MS4A15: variants seen among roughly 807,000 people sequenced by gnomAD.
MS4A15 encodes membrane-spanning 4-domains subfamily A member 15.
A neutral mutation model predicts 20.6 loss-of-function variants in MS4A15; 22 were observed. The observed-to-expected ratio is 1.07, with a 90% confidence interval of 0.76 to 1.52. The LOEUF is 1.52. Ranked by LOEUF, MS4A15 falls within the 40% of genes most tolerant of loss-of-function variation. MS4A15 has a pLI of 0.00. For synonymous variants in MS4A15, 129 were observed against 129.3 expected, an observed-to-expected ratio of 1.00 and a Z score of 0.02; for missense variants, 312 against 323.0, an observed-to-expected ratio of 0.97 and a Z score of 0.26.
At chr11:60,766,618 A>G (rs1056696095) in intron 2 of MS4A15, among the ~76,000 whole-genome samples, 1 of 152,228 alleles carries the variant, frequency 6.6e-6, no homozygotes, top group African/African-American at 2.4e-5. Context: ...CTGTGAGGAC[A>G]CTGAAAAGAT....
At chr11:60,764,217 G>A (rs116873954) in intron 2 of MS4A15, among the ~76,000 whole-genome samples, 9,404 of 152,274 alleles carry the variant, frequency 0.062, 438 homozygotes, top group Non-Finnish European at 0.098. Flanking sequence ...GAATACTAGC[G>A]AGGGTAGGTG....
intron 2 of MS4A15, among the ~76,000 whole-genome samples, chr11:60,766,583 C>T (rs1462929265): frequency 1.3e-5 from 2 of 152,146 alleles, no homozygotes; most frequent in Non-Finnish European, 2.9e-5. Context: ...ACGCTGGCGA[C>T]TTGGACACCA....
At chr11:60,767,388 T>C (rs539458234) in intron 2 of MS4A15, 145 bp from the exon 3 acceptor site, 2 of 1,027,050 alleles carry the variant, frequency 1.9e-6, no homozygotes, top group East Asian at 3.0e-5. Context: ...TCTGTAATAA[T>C]ATCGCCTCTA....
intron 1 of MS4A15, among the ~76,000 whole-genome samples, chr11:60,759,977 G>A (rs560880631): frequency 7.2e-5 from 11 of 152,222 alleles, no homozygotes; most frequent in South Asian, 2.1e-4. Context: ...GCAGTTCCTC[G>A]CATGCTGAGT....
intron 3 of MS4A15, among the ~76,000 whole-genome samples, chr11:60,769,823 G>A (rs1853986759): frequency 1.3e-5 from 2 of 152,158 alleles, no homozygotes; most frequent in African/African-American, 4.8e-5. Flanking sequence ...TAGCCTGAGT[G>A]TGTCCGCTTC....
chr11:60,763,308 C>T (rs1413546238), intron 1 of MS4A15, among the ~76,000 whole-genome samples: 1 of 152,082 alleles, frequency 6.6e-6, no homozygotes, highest in Non-Finnish European at 1.5e-5. Flanking sequence ...GGCAGTGAGT[C>T]CTGGTCTCGG....
In MS4A15 at chr11:60,763,813, C is replaced by G. The variant is rs767204537; in HGVS notation, c.80C>G (p.Ala27Gly). The change falls in exon 2 of 7, where the codon GCC (alanine) becomes GGC (glycine). Residue 27 changes from alanine (A) to glycine (G), a missense_variant. By Grantham distance (60) the Ala-to-Gly change is moderately conservative. Transcript: ENST00000405633. The part of the protein sequence containing the change: ...NNASGLCPPP[A>G]ILPTSMCQPP... ...GCCAGTGGCCTCTGCCCACCTCCGGCCATTCTGCCCACATCCATGTGCCAA... is the reference window on the plus strand; with the variant it reads ...GCCAGTGGCCTCTGCCCACCTCCGGGCATTCTGCCCACATCCATGTGCCAA... 1 of 1,612,456 alleles carries G rather than the reference C, an allele frequency of 6.2e-7. No homozygotes were observed. Among genetic ancestry groups the G allele is most frequent in the Non-Finnish European group, 8.5e-7 (1 of 1,179,804 alleles).
chr11:60,769,790 G>A (rs969904771), intron 3 of MS4A15, among the ~76,000 whole-genome samples: 18 of 152,200 alleles, frequency 1.2e-4, no homozygotes, highest in African/African-American at 4.1e-4. Flanking sequence ...GCAGCAGGTC[G>A]CGCCGGATCA....
intron 1 of MS4A15, among the ~76,000 whole-genome samples, chr11:60,762,695 C>T (rs1470059495): frequency 6.6e-6 from 1 of 152,156 alleles, no homozygotes; most frequent in Non-Finnish European, 1.5e-5. Flanking sequence ...TAAAAGCTTA[C>T]CTCGCTTTAA....
chr11:60,763,437 GC>G (rs1853797793), intron 1 of MS4A15, among the ~76,000 whole-genome samples: 1 of 152,200 alleles, frequency 6.6e-6, no homozygotes, highest in African/African-American at 2.4e-5. Context: ...TCCAAAAGGA[GC>G]TTTCCACATA....
chr11:60,772,037 G>A (rs1487848007), intron 4 of MS4A15, among the ~76,000 whole-genome samples: 1 of 152,216 alleles, frequency 6.6e-6, no homozygotes, highest in Non-Finnish European at 1.5e-5. Context: ...CCAAGCATGA[G>A]AAGTGCTGAA....
At chr11:60,758,559 C>T (rs373794613) in intron 1 of MS4A15, among the ~76,000 whole-genome samples, 20 of 152,292 alleles carry the variant, frequency 1.3e-4, no homozygotes, top group African/African-American at 3.4e-4. Context: ...CAATAATGAC[C>T]GGAACCACAT....
chr11:60,768,093 T>G (rs528109017), intron 3 of MS4A15, among the ~76,000 whole-genome samples: 1 of 152,280 alleles, frequency 6.6e-6, no homozygotes, highest in East Asian at 1.9e-4. Context: ...CTTGGGAGGC[T>G]GAGGCAGGTG....
chr11:60,772,159 G>A (rs908843649), intron 4 of MS4A15, among the ~76,000 whole-genome samples: 1 of 152,204 alleles, frequency 6.6e-6, no homozygotes, highest in Non-Finnish European at 1.5e-5. Flanking sequence ...AACAACCACG[G>A]AAGAGCCCGG....
chr11:60,770,897 G>A (rs530258144), intron 3 of MS4A15, among the ~76,000 whole-genome samples: 135 of 151,982 alleles, frequency 8.9e-4, no homozygotes, highest in African/African-American at 3.2e-3. Flanking sequence ...GTAGAGACTG[G>A]AGTTTCACCA....
intron 4 of MS4A15, among the ~76,000 whole-genome samples, chr11:60,773,157 C>A (rs910807033): frequency 6.6e-6 from 1 of 152,124 alleles, no homozygotes; most frequent in African/African-American, 2.4e-5. Context: ...TAGCAGCTTC[C>A]AAGAAGACGA....
rs1853918831 is a variant in MS4A15 at position 60,767,661 on chromosome 11, T to A, written c.348+6T>A. The A allele has an allele frequency of 6.5e-7, 1 of 1,545,374 alleles. No individual in the cohort carries two copies. Among genetic ancestry groups the A allele is most frequent in the Non-Finnish European group, 8.7e-7 (1 of 1,144,438 alleles). On this transcript the variant is annotated splice_donor_region_variant and intron_variant, in intron 3 of 6. Transcript: ENST00000405633. ...CCTTCTGGGGAGGAGCCTGCGTGAG[T>A]GCCGGGGCCATGGAGAGGGAGGGTA...
chr11:60,771,360 A>C lies in MS4A15; in HGVS notation c.405+13A>C. 6.2e-7 allele frequency: 1 copy of C among 1,608,684 alleles called. No individual in the cohort carries two copies. Among genetic ancestry groups the C allele is most frequent in the Non-Finnish European group, 8.5e-7 (1 of 1,179,934 alleles). Reference sequence around the variant, plus strand: ...CACCAGTTGCCTGGTGAGTGTGAACAGGGGGACCCAGGGGCGGGGATGAAG... The same window carrying C: ...CACCAGTTGCCTGGTGAGTGTGAACCGGGGGACCCAGGGGCGGGGATGAAG... On this transcript the variant is annotated intron_variant, in intron 4 of 6. Coordinates refer to ENST00000405633, the MANE Select transcript of MS4A15 (RefSeq NM_001098835.2).
At chr11:60,767,498 G>T (rs1244073660) in intron 2 of MS4A15, 35 bp from the exon 3 acceptor site, 2 of 1,477,522 alleles carry the variant, frequency 1.4e-6, no homozygotes, top group Middle Eastern at 1.7e-4. Context: ...GTGTGGAACA[G>T]GGCCCGCGGC....
Sources: gnomAD v4.1 joint callset for allele counts (sites outside exome capture counted in the v4.1 genomes callset) on GRCh38, gnomAD v4.1.1 for gene constraint, MANE v1.5 for transcripts, NCBI Gene and HGNC (gene_info 2026-07-23, HGNC 2026-07-21) for gene names.